EYA1: variants seen among roughly 807,000 people sequenced by gnomAD.
EYA1 encodes the protein protein phosphatase EYA1.
In EYA1, 16 loss-of-function variants were observed where a neutral mutation model predicts 82.0. The ratio of observed to expected loss-of-function variants is 0.20; its 90% CI spans 0.13 to 0.30. The LOEUF (loss-of-function observed/expected upper bound fraction) is 0.30. Among genes scored for constraint, EYA1 ranks in the 10% least tolerant of loss-of-function variants. The pLI, the probability that EYA1 is intolerant of heterozygous loss-of-function variation, is 1.00. For synonymous variants in EYA1, 261 were observed against 264.4 expected (o/e 0.99, Z 0.12); for missense variants, 633 against 730.7 (o/e 0.87, Z 1.54).
chr8:71,446,251 C>T (rs949888997), intron 2 of EYA1, among the ~76,000 whole-genome samples: 1 of 151,954 alleles, frequency 6.6e-6, no homozygotes, highest in Non-Finnish European at 1.5e-5. Flanking sequence ...GAGGGCGGGT[C>T]CTGGTAGGAG....
At chr8:71,436,782 T>C (rs1047217984) in intron 2 of EYA1, among the ~76,000 whole-genome samples, 9 of 152,112 alleles carry the variant, frequency 5.9e-5, no homozygotes, top group Non-Finnish European at 8.8e-5. Context: ...TGATAAATTA[T>C]ATGCAAATCA....
chr8:71,534,608 T>C (rs1413431941), intron 2 of EYA1, among the ~76,000 whole-genome samples: 6 of 152,184 alleles, frequency 3.9e-5, no homozygotes, highest in Admixed American at 3.9e-4. Context: ...TTCAGGGACA[T>C]GGATGAGGCT....
intron 2 of EYA1, among the ~76,000 whole-genome samples, chr8:71,388,390 T>C (rs541871355): frequency 7.2e-4 from 109 of 152,208 alleles, no homozygotes; most frequent in African/African-American, 2.5e-3. Flanking sequence ...GGTACGACAA[T>C]AGAAAAAAGA....
intron 11 of EYA1, among the ~76,000 whole-genome samples, chr8:71,247,061 GCCCACATCCCTCCAGCACCT>G (rs956087480): frequency 2.8e-5 from 4 of 144,558 alleles, no homozygotes; most frequent in South Asian, 2.2e-4. Flanking sequence ...TCTTGGCACC[GCCCACATCCCTCCAGCACCT>G]CCCACATCCC....
chr8:71,385,393 C>A (rs1242540122), intron 2 of EYA1, among the ~76,000 whole-genome samples: 1 of 151,636 alleles, frequency 6.6e-6, no homozygotes, highest in African/African-American at 2.4e-5. Flanking sequence ...TGAGCCACCA[C>A]GTAAAACAAA....
At chr8:71,242,697 A>G (rs1012408422) in intron 12 of EYA1, among the ~76,000 whole-genome samples, 4 of 151,832 alleles carry the variant, frequency 2.6e-5, no homozygotes, top group African/African-American at 9.7e-5. Context: ...TTTGGTCTAT[A>G]TTATAACAAG....
At chr8:71,332,882 G>A (rs1414912151) in intron 4 of EYA1, among the ~76,000 whole-genome samples, 1 of 152,156 alleles carries the variant, frequency 6.6e-6, no homozygotes, top group Non-Finnish European at 1.5e-5. Flanking sequence ...TTCATGGAGT[G>A]TCCATTTGTC....
intron 7 of EYA1, among the ~76,000 whole-genome samples, chr8:71,301,868 G>A (rs1820235506): frequency 6.6e-6 from 1 of 151,926 alleles, no homozygotes; most frequent in Admixed American, 6.6e-5. Context: ...GGATGACTAA[G>A]ACATAGCCTC....
At chr8:71,384,815 A>G (rs1828888305) in intron 2 of EYA1, among the ~76,000 whole-genome samples, 1 of 152,190 alleles carries the variant, frequency 6.6e-6, no homozygotes, top group Non-Finnish European at 1.5e-5. Context: ...GATGAAATGC[A>G]TCTTACTCTT....
intron 4 of EYA1, among the ~76,000 whole-genome samples, chr8:71,329,854 G>C (rs1322398605): frequency 1.3e-5 from 2 of 152,138 alleles, no homozygotes; most frequent in Non-Finnish European, 2.9e-5. Flanking sequence ...TTTGCAAAAG[G>C]CTCATAATTA....
intron 9 of EYA1, among the ~76,000 whole-genome samples, chr8:71,275,138 G>C (rs572676289): frequency 3.7e-4 from 57 of 152,188 alleles, no homozygotes; most frequent in Non-Finnish European, 6.3e-4. Context: ...ACTGAGAATG[G>C]GAGACCGGCC....
At chr8:71,392,268 C>G (rs776530718) in intron 2 of EYA1, among the ~76,000 whole-genome samples, 1 of 152,096 alleles carries the variant, frequency 6.6e-6, no homozygotes, top group Non-Finnish European at 1.5e-5. Context: ...ACCCCCGCAC[C>G]CTTTGGCTTG....
chr8:71,326,550 C>T (rs554158552), intron 4 of EYA1, among the ~76,000 whole-genome samples: 301 of 152,232 alleles, frequency 2.0e-3, no homozygotes, highest in Non-Finnish European at 4.0e-3. Flanking sequence ...CCATGCAGGG[C>T]GGGGGTGAGG....
intron 1 of EYA1, among the ~76,000 whole-genome samples, chr8:71,538,798 T>G (rs887883229): frequency 3.3e-5 from 5 of 152,044 alleles, no homozygotes; most frequent in Admixed American, 2.6e-4. Flanking sequence ...GGAATGACAT[T>G]TGTTTGGGGA....
chr8:71,544,986 C>T (rs986254577), intron 1 of EYA1, among the ~76,000 whole-genome samples: 4 of 152,168 alleles, frequency 2.6e-5, no homozygotes, highest in South Asian at 2.1e-4. Flanking sequence ...ACCTAAAAAT[C>T]ATCACTTTAG....
At position 71,361,808 on chromosome 8, in the gene EYA1, G is replaced by C; in HGVS notation, c.-216C>G. Reference sequence around the variant, plus strand: ...GCGCTTCTGGGAGTGGAGCGCCTCTGCAGGGGAAAGCTCGGCGCAGGGGGC... The same window carrying C: ...GCGCTTCTGGGAGTGGAGCGCCTCTCCAGGGGAAAGCTCGGCGCAGGGGGC... On this transcript the variant is annotated 5_prime_UTR_variant, in exon 1 of 18. Coordinates refer to ENST00000340726, the MANE Select transcript of EYA1 (RefSeq NM_000503.6). 1 of 985,510 alleles carries C rather than the reference G, an allele frequency of 1.0e-6. No individual in the cohort carries two copies. The highest frequency in any genetic ancestry group is 1.2e-6 in the Non-Finnish European group (1 of 829,962). The allele number at this position is 985,510 out of a possible 1,614,324, so 61.0% of individuals were successfully genotyped here.
upstream of EYA1, among the ~76,000 whole-genome samples, chr8:71,366,923 A>C (rs1827789793): frequency 6.6e-6 from 1 of 152,228 alleles, no homozygotes; most frequent in African/African-American, 2.4e-5. Flanking sequence ...GAAATGATAC[A>C]TATTGATATA....
At chr8:71,398,910 T>C (rs886153684) in intron 2 of EYA1, among the ~76,000 whole-genome samples, 2 of 152,180 alleles carry the variant, frequency 1.3e-5, no homozygotes, top group African/African-American at 4.8e-5. Context: ...TCTACAGAGG[T>C]AGGCAGGCCT....
At chr8:71,371,731 T>C (rs922489613) in intron 2 of EYA1, among the ~76,000 whole-genome samples, 6 of 151,736 alleles carry the variant, frequency 4.0e-5, no homozygotes, top group Non-Finnish European at 8.8e-5. Context: ...CCCATTAATA[T>C]GAACAGAGAA....
Sources: allele counts gnomAD v4.1 joint callset (sites outside exome capture counted in the v4.1 genomes callset), GRCh38; gene constraint gnomAD v4.1.1; transcripts MANE v1.5; gene names NCBI Gene and HGNC (gene_info 2026-07-23, HGNC 2026-07-21).